Variants in BIRC5 observed in about 807,000 individuals in gnomAD.
The protein encoded by BIRC5 is baculoviral IAP repeat-containing protein 5.
In BIRC5, 8 loss-of-function variants were observed where a neutral mutation model predicts 15.8. The ratio of observed to expected loss-of-function variants is 0.51; its 90% CI spans 0.30 to 0.91. The LOEUF is 0.91. Among genes scored for constraint, BIRC5 ranks in the 40% least tolerant of loss-of-function variants. BIRC5 has a pLI of 0.07. For synonymous variants in BIRC5, 56 were observed against 64.5 expected (o/e 0.87, Z 0.63); for missense variants, 163 against 178.6 (o/e 0.91, Z 0.50).
At position 78,214,648 on chromosome 17, in the gene BIRC5, C is replaced by T. The variant is rs368593302; in HGVS notation, c.112-32C>T. ...TGGGCCTCGGGGTTCCGGGCTGCCA[C>T]GTCCACTCACGAGCTGTGCTGTCCC... On this transcript the variant is annotated intron_variant, in intron 1 of 3. Coordinates refer to ENST00000350051, the MANE Select transcript of BIRC5 (RefSeq NM_001168.3). 6 of 1,549,672 alleles carry T rather than the reference C, an allele frequency of 3.9e-6. No homozygotes were observed. The African/African-American group carries it at 8.2e-5, about 21-fold the overall frequency.
intron 3 of BIRC5, among the ~76,000 whole-genome samples, chr17:78,217,632 G>C (rs2076488598): frequency 6.6e-6 from 1 of 152,070 alleles, no homozygotes; most frequent in African/African-American, 2.4e-5. Flanking sequence ...GAGTAGCTGG[G>C]ACTACAGGCG....
intron 2 of BIRC5, chr17:78,216,021 G>A (rs768042848): frequency 2.5e-5 from 26 of 1,020,838 alleles, no homozygotes; most frequent in African/African-American, 1.5e-4. Flanking sequence ...AGGCCGAGGC[G>A]GGCGGATCAC....
intron 2 of BIRC5, chr17:78,215,880 C>A: frequency 1.9e-6 from 2 of 1,064,270 alleles, no homozygotes; most frequent in Non-Finnish European, 2.3e-6. Context: ...AGGGAGACTC[C>A]CCTAGCAGAA....
At chr17:78,215,987 C>T (rs374475800) in intron 2 of BIRC5, 23 of 1,063,196 alleles carry the variant, frequency 2.2e-5, no homozygotes, top group African/African-American at 1.5e-4. Flanking sequence ...CGGTGGCTTA[C>T]GCCTGTAATA....
At chr17:78,219,011 ATGT>A (rs1317519159) in intron 3 of BIRC5, among the ~76,000 whole-genome samples, 4 of 152,092 alleles carry the variant, frequency 2.6e-5, no homozygotes, top group African/African-American at 9.6e-5. Context: ...GAGTCAGGAG[ATGT>A]TGTAGTTCTG....
chr17:78,216,679 G>A lies in BIRC5; in HGVS notation c.237G>A (p.Lys79=), dbSNP rs765360796. 24 of 1,613,478 alleles carry A rather than the reference G, an allele frequency of 1.5e-5. No individual in the cohort carries two copies. The highest frequency in any genetic ancestry group is 1.9e-5 in the Non-Finnish European group (22 of 1,179,674). Residue 79 remains lysine, a synonymous_variant, in exon 3 of 4, where the codon AAG becomes AAA. Coordinates refer to ENST00000350051, the MANE Select transcript of BIRC5 (RefSeq NM_001168.3). The part of the protein sequence containing the change: ...PDDDPIEEHK[K]HSSGCAFLSV... ...ATTTTTCTAGAGAGGAACATAAAAAGCATTCGTCCGGTTGCGCTTTCCTTT... is the reference window on the plus strand; with the variant it reads ...ATTTTTCTAGAGAGGAACATAAAAAACATTCGTCCGGTTGCGCTTTCCTTT...
chr17:78,220,168 C>T (rs1003923376), intron 3 of BIRC5, among the ~76,000 whole-genome samples: 2 of 152,184 alleles, frequency 1.3e-5, no homozygotes, highest in African/African-American at 4.8e-5. Flanking sequence ...GTGGCTCACG[C>T]CTGTAATCCC....
At chr17:78,219,949 G>A (rs919662500) in intron 3 of BIRC5, among the ~76,000 whole-genome samples, 1 of 152,174 alleles carries the variant, frequency 6.6e-6, no homozygotes, top group Non-Finnish European at 1.5e-5. Context: ...AGGTCCCAGA[G>A]CGCTGAGAAA....
chr17:78,222,851 A>C, intron 3 of BIRC5: 1 of 1,536,080 alleles, frequency 6.5e-7, no homozygotes, highest in Non-Finnish European at 8.7e-7. Flanking sequence ...TAGCAGAATG[A>C]AAAAATTGGA....
intron 3 of BIRC5, among the ~76,000 whole-genome samples, chr17:78,217,961 T>A (rs200484547): frequency 1.3e-3 from 31 of 23,984 alleles, no homozygotes; most frequent in African/African-American, 2.6e-3. Flanking sequence ...CCACCTTATT[T>A]ATTTATTTAT....
intron 3 of BIRC5, chr17:78,222,835 C>T: frequency 6.5e-7 from 1 of 1,536,030 alleles, no homozygotes; most frequent in Non-Finnish European, 8.7e-7. Flanking sequence ...TAGGAGAGAG[C>T]TCTGTTAGCA....
At chr17:78,216,595 G>T in intron 2 of BIRC5, 69 bp from the exon 3 acceptor site, 2 of 1,348,722 alleles carry the variant, frequency 1.5e-6, no homozygotes, top group Non-Finnish European at 1.1e-6. Context: ...TGGGGAGGTG[G>T]CCCGTGGGGA....
chr17:78,217,824 A>C (rs1054835794), intron 3 of BIRC5, among the ~76,000 whole-genome samples: 1 of 150,610 alleles, frequency 6.6e-6, no homozygotes, highest in Non-Finnish European at 1.5e-5. Flanking sequence ...ACAGGGACTC[A>C]CTCTGTCACC....
chr17:78,218,193 A>T lies in BIRC5; in HGVS notation c.339+1412A>T, dbSNP rs17879462. 2.0e-5 allele frequency among the ~76,000 whole-genome samples: 3 copies of T among 152,170 alleles called. No individual in the cohort carries two copies. The South Asian group carries it at 6.2e-4, about 32-fold the overall frequency. ...GGCCGGTATAAGTATATACCGGTAT[A>T]AGTAAATCCCACATTTTGTGTCAGT... is the stretch of plus-strand genomic sequence containing the variant. On this transcript the variant is annotated intron_variant, in intron 3 of 3. Coordinates refer to ENST00000350051, the MANE Select transcript of BIRC5 (RefSeq NM_001168.3).
At chr17:78,223,411 G>A (rs1188282147) in intron 3 of BIRC5, 54 bp from the exon 4 acceptor site, 1 of 1,475,802 alleles carries the variant, frequency 6.8e-7, no homozygotes, top group African/African-American at 1.4e-5. Context: ...TTATCTACAG[G>A]ATGTGACTGG....
At chr17:78,222,698 T>C (rs1424802837) in intron 3 of BIRC5, 2 of 1,293,814 alleles carry the variant, frequency 1.5e-6, no homozygotes, top group Non-Finnish European at 2.1e-6. Flanking sequence ...AGTTAACCTC[T>C]GTCAGCAAAC....
chr17:78,214,417 C>T lies in BIRC5; in HGVS notation c.101C>T (p.Thr34Ile), dbSNP rs754589913. ...CCCTTCTTGGAGGGCTGCGCCTGCA[C>T]CCCGGAGCGGGTGAGACTGCCCGGC... ...NWPFLEGCAC[T>I]PERMAEAGFI... Residue 34 changes from threonine to isoleucine, a missense_variant, in exon 1 of 4, where the codon ACC becomes ATC. Physicochemically the swap from Thr to Ile is moderately conservative, Grantham distance 89. Transcript: ENST00000350051. 1 of 1,579,028 alleles carries T rather than the reference C, an allele frequency of 6.3e-7. No individual in the cohort carries two copies.
chr17:78,223,743 T>C lies in BIRC5; in HGVS notation c.*189T>C. On this transcript the variant is annotated 3_prime_UTR_variant, in exon 4 of 4. Coordinates refer to ENST00000350051, the MANE Select transcript of BIRC5 (RefSeq NM_001168.3). The stretch of plus-strand genomic sequence containing the variant: ...GTGGCACCAGAGGTGCTTCTGCCTG[T>C]GCAGCGGGTGCTGCTGGTAACAGTG... 1.6e-6 allele frequency: 2 copies of C among 1,267,248 alleles called. No homozygotes were observed. Among genetic ancestry groups the C allele is most frequent in the Non-Finnish European group, 2.1e-6 (2 of 963,976 alleles). The allele number at this position is 1,267,248 out of a possible 1,614,324, so 78.5% of individuals were successfully genotyped here. A position where few individuals can be genotyped will look rare whatever the true frequency, so the allele number is the denominator to read the frequency against.
chr17:78,215,619 C>G (rs2076472418), intron 2 of BIRC5, among the ~76,000 whole-genome samples: 1 of 152,016 alleles, frequency 6.6e-6, no homozygotes, highest in Admixed American at 6.6e-5. Context: ...ATTTTTTTCC[C>G]CTGGAGAATC....
Sources: gnomAD v4.1 joint callset for allele counts (sites outside exome capture counted in the v4.1 genomes callset) on GRCh38, gnomAD v4.1.1 for gene constraint, MANE v1.5 for transcripts, NCBI Gene and HGNC (gene_info 2026-07-23, HGNC 2026-07-21) for gene names.